The following NAV2 variants were observed in gnomAD, a reference collection of about 807,000 sequenced individuals.
NAV2 encodes neuron navigator 2, also known as helicase, APC down-regulated 1.
NAV2 carries 54 observed loss-of-function variants against 223.2 expected under a neutral mutation model. The ratio of observed to expected loss-of-function variants is 0.24; its 90% CI spans 0.19 to 0.30. The LOEUF is 0.30. Among genes scored for constraint, NAV2 ranks in the 10% least tolerant of loss-of-function variants. The pLI, the probability that NAV2 is intolerant of heterozygous loss-of-function variation, is 1.00. For missense variants in NAV2, 2,806 were observed against 3,147.5 expected, an observed-to-expected ratio of 0.89 and a Z score of 2.60; for synonymous variants, 1,279 against 1,239.3, an observed-to-expected ratio of 1.03 and a Z score of -0.67.
chr11:19,589,842 A>G (rs1221225348), intron 1 of NAV2, among the ~76,000 whole-genome samples: 1 of 152,192 alleles, frequency 6.6e-6, no homozygotes, highest in Non-Finnish European at 1.5e-5. Flanking sequence ...CAGAAGGCAC[A>G]CTGTAGGGTA....
intron 1 of NAV2, among the ~76,000 whole-genome samples, chr11:19,520,284 T>A (rs2043605561): frequency 1.3e-5 from 2 of 152,272 alleles, no homozygotes; most frequent in Non-Finnish European, 2.9e-5. Flanking sequence ...CAGCTCATTT[T>A]CAGGCACGCA....
chr11:19,903,199 G>A (rs903178614), intron 6 of NAV2, among the ~76,000 whole-genome samples: 1 of 152,192 alleles, frequency 6.6e-6, no homozygotes, highest in Non-Finnish European at 1.5e-5. Flanking sequence ...TGATGAAGGT[G>A]TCGGGGTTGC....
intron 1 of NAV2, among the ~76,000 whole-genome samples, chr11:19,652,326 G>A (rs780777433): frequency 6.6e-6 from 1 of 152,252 alleles, no homozygotes; most frequent in Non-Finnish European, 1.5e-5. Context: ...GTGGGTTCTT[G>A]TGGGGTCCTG....
chr11:19,892,843 G>A (rs540141565), intron 6 of NAV2, among the ~76,000 whole-genome samples: 18 of 152,310 alleles, frequency 1.2e-4, no homozygotes, highest in African/African-American at 4.3e-4. Context: ...TAGACACCCG[G>A]CTATGCATAG....
In NAV2 at chr11:20,077,716, A is replaced by G. The variant is rs1198185933; in HGVS notation, c.5067+81A>G. 5.4e-6 allele frequency: 6 copies of G among 1,120,414 alleles called. No individual in the cohort carries two copies. The African/African-American group carries it at 9.2e-5, about 17-fold the overall frequency. 69.4% of individuals were successfully genotyped at this position (1,120,414 alleles called of 1,614,324 possible). A position where few individuals can be genotyped will look rare whatever the true frequency, so the allele number is the denominator to read the frequency against. ...AAATACTATTCTTTCATTTCAGATCATTGTGTGGATGTTAATGTATTTCTT... is the reference window on the plus strand; with the variant it reads ...AAATACTATTCTTTCATTTCAGATCGTTGTGTGGATGTTAATGTATTTCTT... On this transcript the variant is annotated intron_variant, in intron 23 of 37. Transcript: ENST00000349880.
intron 11 of NAV2, 74 bp downstream of exon 11, chr11:19,984,321 A>T: frequency 6.2e-7 from 1 of 1,602,472 alleles, no homozygotes; most frequent in Non-Finnish European, 8.5e-7. Context: ...GAGGGTTATG[A>T]TATTGGGAGA....
At chr11:19,921,798 T>C (rs79513989) in intron 6 of NAV2, among the ~76,000 whole-genome samples, 1 of 152,228 alleles carries the variant, frequency 6.6e-6, no homozygotes, top group East Asian at 1.9e-4. Flanking sequence ...ACCTACCTCA[T>C]TGGATTTATA....
intron 19 of NAV2, 41 bp downstream of exon 19, chr11:20,055,998 T>C: frequency 6.4e-7 from 1 of 1,569,534 alleles, no homozygotes; most frequent in Non-Finnish European, 8.6e-7. Context: ...GAAACTTCCA[T>C]CTCCCAGGTT....
chr11:19,855,804 G>A (rs2061382183), intron 3 of NAV2, among the ~76,000 whole-genome samples: 1 of 152,106 alleles, frequency 6.6e-6, no homozygotes, highest in African/African-American at 2.4e-5. Flanking sequence ...CTTTGGATAG[G>A]GTGTTTCTTC....
intron 11 of NAV2, among the ~76,000 whole-genome samples, chr11:20,020,152 G>A (rs2054376800): frequency 6.6e-6 from 1 of 152,182 alleles, no homozygotes; most frequent in Admixed American, 6.5e-5. Flanking sequence ...AGAAATAAGT[G>A]AACATCTTTT....
intron 1 of NAV2, among the ~76,000 whole-genome samples, chr11:19,814,805 T>C (rs1038249950): frequency 6.6e-6 from 1 of 152,164 alleles, no homozygotes; most frequent in African/African-American, 2.4e-5. Context: ...AATGGCTTTA[T>C]GACAGAGAGA....
At chr11:20,090,814 G>T in intron 26 of NAV2, 51 bp from the exon 27 acceptor site, 1 of 1,586,494 alleles carries the variant, frequency 6.3e-7, no homozygotes, top group Non-Finnish European at 8.6e-7. Context: ...CCAGTGTTCA[G>T]TAGGGGACTA....
chr11:20,102,733 C>T (rs1203066917), intron 32 of NAV2, among the ~76,000 whole-genome samples: 1 of 152,114 alleles, frequency 6.6e-6, no homozygotes, highest in Admixed American at 6.5e-5. Flanking sequence ...CCCAGGCATG[C>T]AGGGCTGTGT....
intron 19 of NAV2, among the ~76,000 whole-genome samples, chr11:20,057,156 A>G (rs1187861954): frequency 6.6e-6 from 1 of 152,170 alleles, no homozygotes; most frequent in Non-Finnish European, 1.5e-5. Context: ...ATGAGTAGGG[A>G]AAAAGGGCCA....
At chr11:19,349,710 C>G (rs935018862), upstream of NAV2, among the ~76,000 whole-genome samples, 5 of 152,066 alleles carry the variant, frequency 3.3e-5, no homozygotes, top group African/African-American at 1.2e-4. Context: ...CATGATCTTC[C>G]TAGGATCCTC....
At chr11:19,477,989 C>T (rs1210231037) in intron 1 of NAV2, among the ~76,000 whole-genome samples, 4 of 152,246 alleles carry the variant, frequency 2.6e-5, no homozygotes, top group Non-Finnish European at 5.9e-5. Context: ...TTGCTGCTAT[C>T]ATGGCAAATT....
At chr11:20,051,496 C>G (rs559599617) in intron 17 of NAV2, among the ~76,000 whole-genome samples, 163 bp downstream of exon 17, 1 of 152,290 alleles carries the variant, frequency 6.6e-6, no homozygotes, top group Admixed American at 6.5e-5. Flanking sequence ...CCCTCTCGTT[C>G]TCACTCTCCA....
intron 1 of NAV2, among the ~76,000 whole-genome samples, chr11:19,814,090 A>G (rs1007636922): frequency 4.6e-5 from 7 of 152,088 alleles, no homozygotes; most frequent in African/African-American, 1.7e-4. Flanking sequence ...GTATTTTTAG[A>G]GCAGGTAGAG....
chr11:20,115,631 CAAAAAAAA>C (rs386373266), intron 37 of NAV2, among the ~76,000 whole-genome samples: 2 of 47,864 alleles, frequency 4.2e-5, no homozygotes, highest in Non-Finnish European at 7.3e-5. Flanking sequence ...GACTCCGTCT[CAAAAAAAA>C]AAAAAAAAAA....
Sources: allele counts gnomAD v4.1 joint callset (sites outside exome capture counted in the v4.1 genomes callset), GRCh38; gene constraint gnomAD v4.1.1; transcripts MANE v1.5; gene names NCBI Gene and HGNC (gene_info 2026-07-23, HGNC 2026-07-21).